The following TRAPPC9 variants were observed in gnomAD, a reference collection of about 807,000 sequenced individuals.
The protein encoded by TRAPPC9 is trafficking protein particle complex subunit 9.
In TRAPPC9, 83 loss-of-function variants were observed where a neutral mutation model predicts 124.0. That is an observed-to-expected ratio of 0.67 (90% CI 0.56 to 0.80). TRAPPC9 has a LOEUF of 0.80. Ranked by LOEUF, TRAPPC9 falls within the 30% of genes least tolerant of loss-of-function variation. TRAPPC9 has a pLI of 0.00. For synonymous variants in TRAPPC9, 638 were observed against 617.5 expected (o/e 1.03, Z -0.49); for missense variants, 1,302 against 1,508.3 (o/e 0.86, Z 2.27).
At chr8:140,218,405 A>G (rs2063254219) in intron 17 of TRAPPC9, among the ~76,000 whole-genome samples, 1 of 152,164 alleles carries the variant, frequency 6.6e-6, no homozygotes, top group African/African-American at 2.4e-5. Flanking sequence ...AAGATGTTCA[A>G]ACTGACCAAA....
rs1221498275 is a variant in TRAPPC9, at chr8:140,299,128, A to G, written c.1768+1341T>C. The stretch of plus-strand genomic sequence containing the variant: ...AAAAGGATGTGACAACAAGAGAGCC[A>G]ATGATAGAGGGGCAGGGGACGAGTT... On this transcript the variant is annotated intron_variant, in intron 11 of 22. Coordinates refer to ENST00000438773, the MANE Select transcript of TRAPPC9 (RefSeq NM_001160372.4). Among the ~76,000 whole-genome samples, 3 of 152,224 alleles carry G rather than the reference A, an allele frequency of 2.0e-5. No individual in the cohort carries two copies. The East Asian group carries it at 5.8e-4, about 29-fold the overall frequency.
At chr8:139,979,769 G>A (rs954755034) in intron 19 of TRAPPC9, among the ~76,000 whole-genome samples, 26 of 152,228 alleles carry the variant, frequency 1.7e-4, no homozygotes, top group African/African-American at 4.6e-4. Flanking sequence ...CCACAGCGTC[G>A]AGGACAGGAC....
At chr8:140,347,533 T>A (rs1259734612) in intron 9 of TRAPPC9, among the ~76,000 whole-genome samples, 1 of 152,136 alleles carries the variant, frequency 6.6e-6, no homozygotes, top group African/African-American at 2.4e-5. Flanking sequence ...TCAACAAGAA[T>A]CCCGGGAAGT....
intron 17 of TRAPPC9, among the ~76,000 whole-genome samples, chr8:140,173,621 T>A (rs575691900): frequency 2.0e-5 from 3 of 151,938 alleles, no homozygotes; most frequent in Non-Finnish European, 4.4e-5. Flanking sequence ...GGTGATTGAA[T>A]TGCCTTCAGT....
intron 7 of TRAPPC9, 146 bp from the exon 8 acceptor site, chr8:140,371,326 A>G (rs907112690): frequency 2.2e-6 from 2 of 923,242 alleles, no homozygotes; most frequent in African/African-American, 1.6e-5. Context: ...TGAGCAGCGC[A>G]TGGCGCAGGC....
intron 9 of TRAPPC9, among the ~76,000 whole-genome samples, chr8:140,325,602 AAAG>A (rs1401635616): frequency 6.6e-6 from 1 of 152,242 alleles, no homozygotes; most frequent in East Asian, 1.9e-4. Context: ...TGTATTTATT[AAAG>A]AAGTTGAATC....
rs974341923 is a variant in TRAPPC9, at chr8:139,887,686, C to T, written c.2965-1717G>A. 6.6e-5 allele frequency among the ~76,000 whole-genome samples: 10 copies of T among 152,194 alleles called. No individual in the cohort carries two copies. In the East Asian group the frequency reaches 1.9e-3, roughly 29 times the overall value. On this transcript the variant is annotated intron_variant, in intron 20 of 22. Transcript: ENST00000438773. Reference sequence around the variant, plus strand: ...ATATCTCAACCTGACCTTGCTTCTCCTGCAGGAACCCTCCAGAAAGTGTGC... The same window carrying T: ...ATATCTCAACCTGACCTTGCTTCTCTTGCAGGAACCCTCCAGAAAGTGTGC...
chr8:139,868,851 C>A (rs1363591390), intron 21 of TRAPPC9, among the ~76,000 whole-genome samples: 1 of 152,020 alleles, frequency 6.6e-6, no homozygotes, highest in African/African-American at 2.4e-5. Context: ...GAGAGACAAA[C>A]AAGAAACAAA....
intron 17 of TRAPPC9, among the ~76,000 whole-genome samples, chr8:140,161,876 T>A (rs908379364): frequency 2.0e-5 from 3 of 151,960 alleles, no homozygotes; most frequent in Admixed American, 2.0e-4. Flanking sequence ...GCCACCAGGA[T>A]ACCCAGAGCA....
At chr8:140,243,132 G>A (rs1563876011) in intron 16 of TRAPPC9, among the ~76,000 whole-genome samples, 1 of 152,182 alleles carries the variant, frequency 6.6e-6, no homozygotes, top group South Asian at 2.1e-4. Context: ...AGAGCTGGGT[G>A]GGCCGAGGAA....
chr8:139,974,701 T>C (rs2614721), intron 19 of TRAPPC9, among the ~76,000 whole-genome samples: 117,243 of 151,954 alleles, frequency 0.77, 46,201 homozygotes, highest in East Asian at 0.92. Context: ...GGCTGCCCAC[T>C]GTGCCGGCTC....
chr8:139,969,735 C>T (rs922159402), intron 19 of TRAPPC9, among the ~76,000 whole-genome samples: 3 of 152,244 alleles, frequency 2.0e-5, no homozygotes, highest in Non-Finnish European at 4.4e-5. Context: ...AAGGTTCAAG[C>T]TTGGGAAGCC....
chr8:140,098,303 G>C (rs1472268897), intron 17 of TRAPPC9: 1 of 152,036 alleles, frequency 6.6e-6, no homozygotes, highest in East Asian at 2.0e-4. Context: ...CCTACCACAG[G>C]GGAAGACACC....
At chr8:140,342,092 AGAGTCCAGGCT>A (rs2067212235) in intron 9 of TRAPPC9, among the ~76,000 whole-genome samples, 1 of 152,232 alleles carries the variant, frequency 6.6e-6, no homozygotes. Context: ...CAGAAGTGGC[AGAGTCCAGGCT>A]GAGTAATGGT....
chr8:140,399,073 GGTGTT>G (rs1267348889), intron 6 of TRAPPC9, among the ~76,000 whole-genome samples: 1 of 152,254 alleles, frequency 6.6e-6, no homozygotes, highest in Non-Finnish European at 1.5e-5. Context: ...GCTTCCATGT[GGTGTT>G]GAGTGTGTGG....
At chr8:140,288,527 GC>G (rs2065555450) in intron 12 of TRAPPC9, among the ~76,000 whole-genome samples, 1 of 152,138 alleles carries the variant, frequency 6.6e-6, no homozygotes, top group Non-Finnish European at 1.5e-5. Flanking sequence ...AGGTATGTCA[GC>G]CCTCAGGACT....
intron 17 of TRAPPC9, among the ~76,000 whole-genome samples, chr8:140,146,688 T>C (rs1236917330): frequency 1.3e-5 from 2 of 152,232 alleles, no homozygotes; most frequent in African/African-American, 2.4e-5. Flanking sequence ...CTTAATGAGA[T>C]GGCTCTTGCC....
chr8:140,370,893 C>A (rs140106886), intron 8 of TRAPPC9, 71 bp downstream of exon 8: 2 of 1,557,740 alleles, frequency 1.3e-6, no homozygotes, highest in Admixed American at 1.7e-5. Flanking sequence ...CCACTCAGGG[C>A]AGGGGCTGAA....
chr8:140,449,762 T>C (rs7841423), intron 2 of TRAPPC9, among the ~76,000 whole-genome samples: 13,065 of 152,252 alleles, frequency 0.086, 614 homozygotes, highest in African/African-American at 0.11. Flanking sequence ...GTGCACAGCC[T>C]GGCAATCCGG....
Sources: allele counts gnomAD v4.1 joint callset (sites outside exome capture counted in the v4.1 genomes callset), GRCh38; gene constraint gnomAD v4.1.1; transcripts MANE v1.5; gene names NCBI Gene and HGNC (gene_info 2026-07-23, HGNC 2026-07-21).